The following KIF1B variants were observed in gnomAD, a reference collection of about 807,000 sequenced individuals.
KIF1B encodes the protein kinesin family member 1B.
KIF1B carries 76 observed loss-of-function variants against 241.9 expected under a neutral mutation model. That is an observed-to-expected ratio of 0.31 (90% CI 0.26 to 0.38). The LOEUF (loss-of-function observed/expected upper bound fraction) is 0.38, where lower values mean the gene tolerates loss of function less well. Among genes scored for constraint, KIF1B ranks in the 10% least tolerant of loss-of-function variants. The pLI is 1.00. For synonymous variants in KIF1B, 750 were observed against 796.7 expected (o/e 0.94, Z 0.99); for missense variants, 1,622 against 2,271.4 (o/e 0.71, Z 5.81).
At chr1:10,338,903 A>G (rs1290861830) in intron 31 of KIF1B, among the ~76,000 whole-genome samples, 1 of 152,202 alleles carries the variant, frequency 6.6e-6, no homozygotes, top group African/African-American at 2.4e-5. Context: ...CGGGTGAACT[A>G]ATTTGGAAGA....
intron 32 of KIF1B, among the ~76,000 whole-genome samples, chr1:10,341,185 G>T (rs956732538): frequency 1.3e-5 from 2 of 152,212 alleles, no homozygotes; most frequent in African/African-American, 4.8e-5. Flanking sequence ...ATGAACATGA[G>T]AAAATATTCA....
intron 23 of KIF1B, 24 bp downstream of exon 23, chr1:10,320,160 T>C: frequency 6.8e-7 from 1 of 1,474,980 alleles, no homozygotes; most frequent in Non-Finnish European, 9.5e-7. Flanking sequence ...ACCGAAAGTT[T>C]CCTGTGTATA....
At chr1:10,240,956 C>CT (rs1264491119) in intron 2 of KIF1B, among the ~76,000 whole-genome samples, 1 of 152,076 alleles carries the variant, frequency 6.6e-6, no homozygotes, top group African/African-American at 2.4e-5. Context: ...TATTCATCCT[C>CT]TGTTATCAGA....
At chr1:10,311,299 C>T (rs1651054501) in intron 22 of KIF1B, among the ~76,000 whole-genome samples, 2 of 150,284 alleles carry the variant, frequency 1.3e-5, no homozygotes, top group Non-Finnish European at 1.5e-5. Flanking sequence ...ACTGCAACCT[C>T]TACCTTCCGG....
At chr1:10,229,542 C>T (rs956469283) in intron 1 of KIF1B, among the ~76,000 whole-genome samples, 101 of 152,102 alleles carry the variant, frequency 6.6e-4, no homozygotes, top group African/African-American at 2.1e-3. Flanking sequence ...TTTCAAATAG[C>T]GATGATGCTA....
At chr1:10,226,282 G>A (rs545340297) in intron 1 of KIF1B, among the ~76,000 whole-genome samples, 3 of 152,284 alleles carry the variant, frequency 2.0e-5, no homozygotes, top group East Asian at 1.9e-4. Flanking sequence ...TAGAGGTTTC[G>A]GCTTTAGTTG....
chr1:10,295,180 T>C lies in KIF1B; in HGVS notation c.1670+15T>C, dbSNP rs2102255291. 3 of 1,507,294 alleles carry C rather than the reference T, an allele frequency of 2.0e-6. No homozygotes were observed. Among genetic ancestry groups the C allele is most frequent in the Non-Finnish European group, 2.8e-6 (3 of 1,082,450 alleles). The allele number at this position is 1,507,294 out of a possible 1,614,324, so 93.4% of individuals were successfully genotyped here. ...GGAATTACAAGGTATATTTATTTCC[T>C]GTTTTGGTCACTTCGTGTGTTTTCC... On this transcript the variant is annotated intron_variant, in intron 18 of 48. Coordinates refer to ENST00000676179, the MANE Select transcript of KIF1B (RefSeq NM_001365951.3).
At chr1:10,222,357 A>C (rs1646856511) in intron 1 of KIF1B, among the ~76,000 whole-genome samples, 7 of 152,136 alleles carry the variant, frequency 4.6e-5, no homozygotes, top group Admixed American at 4.6e-4. Context: ...TGGGCAAGGA[A>C]AGCTGAGACA....
chr1:10,336,347 C>T (rs1421618517), intron 28 of KIF1B, among the ~76,000 whole-genome samples: 1 of 152,162 alleles, frequency 6.6e-6, no homozygotes, highest in African/African-American at 2.4e-5. Context: ...CGGGGTTTCA[C>T]CATGTTGGTC....
chr1:10,316,117 C>T (rs572860783), intron 22 of KIF1B, among the ~76,000 whole-genome samples: 2 of 150,236 alleles, frequency 1.3e-5, no homozygotes, highest in Non-Finnish European at 2.9e-5. Context: ...CTTGTAGTCC[C>T]AGCTACTTGG....
At chr1:10,280,141 A>T (rs71643086) in intron 14 of KIF1B, among the ~76,000 whole-genome samples, 58 of 152,280 alleles carry the variant, frequency 3.8e-4, no homozygotes, top group Admixed American at 3.7e-3. Flanking sequence ...TTACCCTTTT[A>T]AGGTAATTCA....
rs1484647033 is a variant in KIF1B, at chr1:10,323,930, T to G, written c.2405T>G (p.Leu802Trp). The G allele has an allele frequency of 1.2e-6, 2 of 1,614,188 alleles. No homozygotes were observed. The highest frequency in any genetic ancestry group is 1.7e-6 in the Non-Finnish European group (2 of 1,179,986). The change falls in exon 25 of 49, where the codon TTG becomes TGG. Residue 802 changes from leucine (L) to tryptophan (W), a missense_variant. Physicochemically the swap from Leu to Trp is moderately conservative, Grantham distance 61. This residue lies in a region of KIF1B where 803 missense variants were observed against 1,112.0 expected (regional missense o/e 0.72). Transcript: ENST00000676179. Reference protein sequence around the residue: ...VLLTDTLYSPLPPELLPTEME... With the variant: ...VLLTDTLYSPWPPELLPTEME... ...CTGACTGACACACTGTACTCCCCTT[T>G]GCCTCCTGAATTACTTCCCACTGAG...
rs1462674952 is a variant in KIF1B at position 10,324,819 on chromosome 1, C to G, written c.2599C>G (p.Gln867Glu). Reference sequence around the variant, plus strand: ...GGCAGGGGAGATGGCCTCCAGTGCCCAAGACGAAAGCGAAACCACTGTGAC... The same window carrying G: ...GGCAGGGGAGATGGCCTCCAGTGCCGAAGACGAAAGCGAAACCACTGTGAC... ...DRAGEMASSAQDESETTVTGS... is the reference protein window; with the variant it reads ...DRAGEMASSAEDESETTVTGS... The change falls in exon 26 of 49, where the codon CAA becomes GAA. Residue 867 changes from glutamine to glutamate, a missense_variant. Physicochemically the swap from Gln to Glu is conservative, Grantham distance 29. This residue lies in a region of KIF1B where 803 missense variants were observed against 1,112.0 expected (regional missense o/e 0.72). Transcript: ENST00000676179. 1.9e-6 allele frequency: 3 copies of G among 1,614,016 alleles called. No individual in the cohort carries two copies. Among genetic ancestry groups the G allele is most frequent in the East Asian group, 2.2e-5 (1 of 44,862 alleles).
At chr1:10,235,087 A>G (rs913512536) in intron 2 of KIF1B, among the ~76,000 whole-genome samples, 1 of 151,362 alleles carries the variant, frequency 6.6e-6, no homozygotes, top group African/African-American at 2.4e-5. Flanking sequence ...ATGGGGTTTC[A>G]CCATGTTGGC....
Position 10,377,360 on chromosome 1 carries a change from C to G in KIF1B, c.*773C>G, listed in dbSNP as rs1479092983. 1 of 227,798 alleles carries G rather than the reference C, an allele frequency of 4.4e-6. No homozygotes were observed. The highest frequency in any genetic ancestry group is 6.3e-5 in the East Asian group (1 of 15,900). The allele number at this position is 227,798 out of a possible 1,614,324, so 14.1% of individuals were successfully genotyped here. ...TCTTGACTTTGTGTGAAGGGAAATGCCAAGGATGCTTCTGGTGGACTTCAG... is the reference window on the plus strand; with the variant it reads ...TCTTGACTTTGTGTGAAGGGAAATGGCAAGGATGCTTCTGGTGGACTTCAG... On this transcript the variant is annotated 3_prime_UTR_variant, in exon 49 of 49. Transcript: ENST00000676179.
chr1:10,246,534 A>G (rs931191419), intron 2 of KIF1B, among the ~76,000 whole-genome samples: 2 of 152,150 alleles, frequency 1.3e-5, no homozygotes, highest in Non-Finnish European at 2.9e-5. Context: ...TCACGAGGTC[A>G]AGAGTTGGAG....
chr1:10,271,337 C>T (rs1477946973), intron 7 of KIF1B, among the ~76,000 whole-genome samples, 165 bp from the exon 8 acceptor site: 1 of 152,170 alleles, frequency 6.6e-6, no homozygotes, highest in Non-Finnish European at 1.5e-5. Flanking sequence ...ACTGTTTAAA[C>T]TAACTGATAG....
At chr1:10,344,094 T>C (rs1444354728) in intron 34 of KIF1B, among the ~76,000 whole-genome samples, 4 of 152,168 alleles carry the variant, frequency 2.6e-5, no homozygotes, top group African/African-American at 7.2e-5. Context: ...CTTCAGACCA[T>C]GAGAGAAAGA....
intron 1 of KIF1B, among the ~76,000 whole-genome samples, chr1:10,219,771 A>G (rs1402259110): frequency 1.3e-5 from 2 of 151,314 alleles, no homozygotes; most frequent in African/African-American, 4.9e-5. Context: ...AAAATAAAAA[A>G]TAAAGACTTA....
Sources: allele counts gnomAD v4.1 joint callset (sites outside exome capture counted in the v4.1 genomes callset), GRCh38; gene constraint gnomAD v4.1.1; regional missense constraint gnomAD v4.1.1; transcripts MANE v1.5; gene names NCBI Gene and HGNC (gene_info 2026-07-23, HGNC 2026-07-21).